Variants in CCDC196 observed in about 807,000 individuals in gnomAD.
The protein encoded by CCDC196 is coiled-coil domain-containing protein 196.
intron 4 of CCDC196, among the ~76,000 whole-genome samples, chr14:66,489,625 T>C (rs889164735): frequency 6.6e-6 from 1 of 152,356 alleles, no homozygotes; most frequent in South Asian, 2.1e-4. Flanking sequence ...CTTGTTTCCC[T>C]GCCTCCTCCT....
chr14:66,496,286 C>T, intron 8 of CCDC196: 2 of 456,236 alleles, frequency 4.4e-6, no homozygotes, highest in Non-Finnish European at 8.8e-6. Context: ...CCAAGAATTC[C>T]TCCTCCCACT....
At chr14:66,490,897 C>A in intron 5 of CCDC196, 78 bp downstream of exon 5, 1 of 409,386 alleles carries the variant, frequency 2.4e-6, no homozygotes, top group Admixed American at 4.4e-5. Context: ...ACAATCAGGG[C>A]TAATTTGGGT....
intron 8 of CCDC196, among the ~76,000 whole-genome samples, chr14:66,497,440 CT>C (rs2057692216): frequency 6.6e-6 from 1 of 152,006 alleles, no homozygotes; most frequent in African/African-American, 2.4e-5. Context: ...AGCAGTATGT[CT>C]AGGAAAATGT....
chr14:66,497,190 C>G (rs972013443), intron 8 of CCDC196, among the ~76,000 whole-genome samples: 4 of 152,144 alleles, frequency 2.6e-5, no homozygotes, highest in African/African-American at 9.7e-5. Flanking sequence ...TTGAGGCAAC[C>G]TGAACCTTTT....
At chr14:66,496,621 C>T in intron 8 of CCDC196, 1 of 268,328 alleles carries the variant, frequency 3.7e-6, no homozygotes, top group Non-Finnish European at 7.4e-6. Flanking sequence ...CTATAGAGTC[C>T]AGAAGGCAAG....
Position 66,491,672 on chromosome 14 carries a change from A to G in CCDC196, c.560A>G (p.Asn187Ser), listed in dbSNP as rs1302960524. 4.8e-6 allele frequency: 2 copies of G among 413,862 alleles called. No homozygotes were observed. Among genetic ancestry groups the G allele is most frequent in the Non-Finnish European group, 8.8e-6 (2 of 226,242 alleles). 25.6% of individuals were successfully genotyped at this position (413,862 alleles called of 1,614,324 possible). A position where few individuals can be genotyped will look rare whatever the true frequency, so the allele number is the denominator to read the frequency against. The change falls in exon 7 of 10, where the codon AAT (asparagine) becomes AGT (serine). Residue 187 changes from asparagine to serine, a missense_variant. Transcript: ENST00000636229. ...KMEWVKYQEQ[N>S]NILQNDFHGK... ...GAATGGGTCAAGTATCAGGAACAAA[A>G]TAACATCCTTCAGGTACTAAGATCT...
intron 8 of CCDC196, among the ~76,000 whole-genome samples, chr14:66,492,446 A>G (rs998217102): frequency 6.6e-6 from 1 of 151,632 alleles, no homozygotes; most frequent in African/African-American, 2.4e-5. Context: ...AGTTCAAGCA[A>G]TTCTCCTGCC....
Position 66,488,167 on chromosome 14 carries a change from A to G in CCDC196, c.211A>G (p.Ile71Val). 2.4e-6 allele frequency: 1 copy of G among 413,134 alleles called. No homozygotes were observed. Among genetic ancestry groups the G allele is most frequent in the Non-Finnish European group, 4.4e-6 (1 of 225,844 alleles). 25.6% of individuals were successfully genotyped at this position (413,134 alleles called of 1,614,324 possible). The change falls in exon 3 of 10, where the codon ATC becomes GTC. Residue 71 changes from isoleucine (I) to valine (V), a missense_variant. Transcript: ENST00000636229. ...TGCCTCTCTTTCTTCTAGTCTTCAGATCATGAGACAGATCATGGCAGGGAA... is the reference window on the plus strand; with the variant it reads ...TGCCTCTCTTTCTTCTAGTCTTCAGGTCATGAGACAGATCATGGCAGGGAA... ...NLEEKQRSLQ[I>V]MRQIMAGKGC... is the part of the protein sequence containing the mutation.
Position 66,496,670 on chromosome 14 carries a change from G to C in CCDC196, c.716-1439G>C, listed in dbSNP as rs1430342469. On this transcript the variant is annotated intron_variant, in intron 8 of 9. Coordinates refer to ENST00000636229, the MANE Select transcript of CCDC196 (RefSeq NM_001351576.1). ...GCAGTCACCTATCTTAGAGAGCACA[G>C]GTGCTAAGCAATCTCTAAATTCAAC... 2.7e-5 allele frequency: 5 copies of C among 182,764 alleles called. No individual in the cohort carries two copies. In the East Asian group the frequency reaches 6.8e-4, roughly 25 times the overall value. The allele number at this position is 182,764 out of a possible 1,614,324, so 11.3% of individuals were successfully genotyped here. A position where few individuals can be genotyped will look rare whatever the true frequency, so the allele number is the denominator to read the frequency against.
At chr14:66,488,108 G>A (rs940756352) in intron 2 of CCDC196, 52 bp from the exon 3 acceptor site, 2 of 411,826 alleles carry the variant, frequency 4.9e-6, no homozygotes, top group African/African-American at 2.1e-5. Flanking sequence ...CAGAACATCA[G>A]TATTACCCTT....
At chr14:66,489,429 C>A (rs546597545) in intron 4 of CCDC196, among the ~76,000 whole-genome samples, 1 of 152,062 alleles carries the variant, frequency 6.6e-6, no homozygotes, top group Non-Finnish European at 1.5e-5. Flanking sequence ...TCATGGTTGG[C>A]TCATTCTCAT....
Position 66,491,096 on chromosome 14 carries a change from A to G in CCDC196, c.505A>G (p.Ile169Val), listed in dbSNP as rs187574503. 3.2e-3 allele frequency: 1,306 copies of G among 413,458 alleles called. 14 individuals are homozygous for G. The highest frequency in any genetic ancestry group is 0.022 in the Admixed American group (504 of 22,734). 25.6% of individuals were successfully genotyped at this position (413,458 alleles called of 1,614,324 possible). The change falls in exon 6 of 10, where the codon ATA becomes GTA. Residue 169 changes from isoleucine (I) to valine (V), a missense_variant. Ile to Val is a conservative substitution (Grantham distance 29, BLOSUM62 3). Coordinates refer to ENST00000636229, the MANE Select transcript of CCDC196 (RefSeq NM_001351576.1). ...ATCATTTGCAGAGAAAGTGAAGGAG[A>G]TAAGGAAGGTAGTACAGCCATTCTG... Reference protein sequence around the residue: ...EKSFAEKVKEIRKEKQQRKME... With the variant: ...EKSFAEKVKEVRKEKQQRKME...
chr14:66,494,146 G>T (rs1183463891), intron 8 of CCDC196, among the ~76,000 whole-genome samples: 3 of 152,072 alleles, frequency 2.0e-5, no homozygotes, highest in African/African-American at 4.8e-5. Flanking sequence ...TAAATGATAG[G>T]GTACTATACG....
Position 66,486,679 on chromosome 14 carries a change from T to G in CCDC196, c.73T>G (p.Tyr25Asp), listed in dbSNP as rs2057406995. Residue 25 changes from tyrosine (Y) to aspartate (D), a missense_variant, in exon 2 of 10, where the codon TAC (tyrosine) becomes GAC (aspartate). By Grantham distance (160) the Tyr-to-Asp change is radical. Coordinates refer to ENST00000636229, the MANE Select transcript of CCDC196 (RefSeq NM_001351576.1). ...EIRSSKIDDN[Y>D]LKELNEDLKL... ...CAGAAGTTCTAAAATAGATGACAAC[T>G]ACTTGAAGGAATTGAATGAGGACTT... is the stretch of plus-strand genomic sequence containing the variant. The G allele has an allele frequency of 2.4e-6, 1 of 413,502 alleles. No homozygotes were observed. Among genetic ancestry groups the G allele is most frequent in the Non-Finnish European group, 4.4e-6 (1 of 226,126 alleles). The allele number at this position is 413,502 out of a possible 1,614,324, so 25.6% of individuals were successfully genotyped here.
At chr14:66,496,283 T>C (rs953291759) in intron 8 of CCDC196, 1 of 456,152 alleles carries the variant, frequency 2.2e-6, no homozygotes, top group Non-Finnish European at 4.4e-6. Flanking sequence ...TAGCCAAGAA[T>C]TCCTCCTCCC....
At chr14:66,493,562 C>T (rs758749944) in intron 8 of CCDC196, among the ~76,000 whole-genome samples, 16 of 152,098 alleles carry the variant, frequency 1.1e-4, no homozygotes, top group Non-Finnish European at 1.5e-5. Flanking sequence ...GGTTGTTTCT[C>T]CTCTGTTCTT....
intron 8 of CCDC196, 53 bp downstream of exon 8, chr14:66,492,247 T>C (rs1594741236): frequency 2.4e-6 from 1 of 412,790 alleles, no homozygotes; most frequent in East Asian, 3.6e-5. Flanking sequence ...GTTTATTTTA[T>C]ATTGGAGACC....
In CCDC196 at chr14:66,498,421, A is replaced by G; in HGVS notation, c.843A>G (p.Gly281=). 1 of 413,520 alleles carries G rather than the reference A, an allele frequency of 2.4e-6. No homozygotes were observed. The highest frequency in any genetic ancestry group is 4.4e-5 in the Admixed American group (1 of 22,738). 25.6% of individuals were successfully genotyped at this position (413,520 alleles called of 1,614,324 possible). The part of the protein sequence containing the change: ...GTKGSQLDNT[G]GRLFFLRSLP... Reference sequence around the variant, plus strand: ...AAGGAAGTCAGCTTGATAATACAGGAGGGAGACTCTTTTTTCTGAGGTCAT... The same window carrying G: ...AAGGAAGTCAGCTTGATAATACAGGGGGGAGACTCTTTTTTCTGAGGTCAT... Residue 281 remains glycine (G), a synonymous_variant, in exon 10 of 10, where the codon GGA becomes GGG. Transcript: ENST00000636229.
chr14:66,489,401 G>T (rs1382376720), intron 4 of CCDC196, among the ~76,000 whole-genome samples: 1 of 151,984 alleles, frequency 6.6e-6, no homozygotes, highest in Non-Finnish European at 1.5e-5. Context: ...CTTCTCCACT[G>T]CCTGTAATGC....
Sources: gnomAD v4.1 joint callset for allele counts (sites outside exome capture counted in the v4.1 genomes callset) on GRCh38, gnomAD v4.1.1 for gene constraint, MANE v1.5 for transcripts, NCBI Gene and HGNC (gene_info 2026-07-23, HGNC 2026-07-21) for gene names.